Variants in KIFAP3 observed in about 807,000 individuals in gnomAD.
KIFAP3 encodes the protein kinesin-associated protein 3.
Under a neutral mutation model 106.5 loss-of-function variants are expected in KIFAP3, and 68 were observed. That is an observed-to-expected ratio of 0.64 (90% CI 0.53 to 0.78). The LOEUF is 0.78. Ranked by LOEUF, KIFAP3 falls within the 30% of genes least tolerant of loss-of-function variation. The pLI, the probability that KIFAP3 is intolerant of heterozygous loss-of-function variation, is 0.00. For missense variants in KIFAP3, 780 were observed against 941.8 expected, an observed-to-expected ratio of 0.83 and a Z score of 2.25; for synonymous variants, 320 against 311.5, an observed-to-expected ratio of 1.03 and a Z score of -0.29.
At chr1:170,056,036 C>T (rs1231584080) in intron 1 of KIFAP3, among the ~76,000 whole-genome samples, 1 of 151,656 alleles carries the variant, frequency 6.6e-6, no homozygotes. Flanking sequence ...CAGGCTGAGG[C>T]GGGAGGATCA....
intron 16 of KIFAP3, among the ~76,000 whole-genome samples, chr1:169,972,868 C>T (rs1036522632): frequency 6.6e-5 from 10 of 151,360 alleles, no homozygotes; most frequent in Non-Finnish European, 1.5e-4. Context: ...TACAAGACCA[C>T]ATTTCTGAAT....
chr1:170,004,655 T>C (rs1420568013), intron 10 of KIFAP3, among the ~76,000 whole-genome samples: 2 of 152,020 alleles, frequency 1.3e-5, no homozygotes, highest in East Asian at 1.9e-4. Flanking sequence ...GTTAGCCATA[T>C]GTAGAAAGCT....
At chr1:169,978,208 TAAA>T (rs763740350) in intron 15 of KIFAP3, 25 bp from the exon 16 acceptor site, 2 of 1,406,594 alleles carry the variant, frequency 1.4e-6, no homozygotes, top group Non-Finnish European at 2.0e-6. Context: ...AAAATTCAAA[TAAA>T]GAATACTATG....
rs991817981 is a variant in KIFAP3, at chr1:170,048,577, G to C, written c.165-1711C>G. ...GGCTGAACAGAAACAGCCTCAGTCT[G>C]CAGCTCCCAGTGAGACCAACGCAAA... On this transcript the variant is annotated intron_variant, in intron 2 of 19. Transcript: ENST00000361580. Among the ~76,000 whole-genome samples, 123 of 152,024 alleles carry C rather than the reference G, an allele frequency of 8.1e-4. 1 individual carries two copies. The highest frequency in any genetic ancestry group is 2.8e-3 in the African/African-American group (117 of 41,456).
At chr1:169,926,010 T>TAA (rs1431449687) in intron 19 of KIFAP3, among the ~76,000 whole-genome samples, 5 of 152,280 alleles carry the variant, frequency 3.3e-5, no homozygotes, top group Admixed American at 6.5e-5. Context: ...GCAGGCCAAA[T>TAA]TATTTTTTCA....
chr1:169,985,449 G>A (rs1358010601), intron 11 of KIFAP3, among the ~76,000 whole-genome samples: 1 of 151,842 alleles, frequency 6.6e-6, no homozygotes, highest in Non-Finnish European at 1.5e-5. Flanking sequence ...GAGTGGAGGA[G>A]TCAAAGATGA....
chr1:169,959,104 T>C (rs560414), intron 18 of KIFAP3, among the ~76,000 whole-genome samples: 142,385 of 152,254 alleles, frequency 0.94, 66,668 homozygotes, highest in East Asian at 0.99. Flanking sequence ...CTAAAGCTGT[T>C]CTTATCAGAA....
At chr1:169,962,591 C>T (rs968280876) in intron 17 of KIFAP3, among the ~76,000 whole-genome samples, 9 of 152,014 alleles carry the variant, frequency 5.9e-5, no homozygotes, top group African/African-American at 2.2e-4. Flanking sequence ...AAGGTGATCA[C>T]AAAAACTAAG....
chr1:169,970,353 C>T (rs1239362487), intron 17 of KIFAP3, among the ~76,000 whole-genome samples: 1 of 152,082 alleles, frequency 6.6e-6, no homozygotes, highest in East Asian at 1.9e-4. Context: ...GTACTGCCAC[C>T]GCACACCTGT....
chr1:169,968,955 C>T (rs371147207), intron 17 of KIFAP3, among the ~76,000 whole-genome samples: 5 of 151,610 alleles, frequency 3.3e-5, no homozygotes, highest in Admixed American at 6.6e-5. Context: ...TTTTGGTTTA[C>T]GCAATATAAA....
At chr1:170,081,491 G>C (rs1016713020) in intron 1 of KIFAP3, among the ~76,000 whole-genome samples, 2 of 152,122 alleles carry the variant, frequency 1.3e-5, no homozygotes, top group African/African-American at 4.8e-5. Flanking sequence ...ATACCAAGAG[G>C]GCTTTACTTT....
intron 19 of KIFAP3, among the ~76,000 whole-genome samples, chr1:169,937,051 G>A (rs774690316): frequency 6.6e-6 from 1 of 150,718 alleles, no homozygotes; most frequent in Non-Finnish European, 1.5e-5. Context: ...TACTGACAAT[G>A]TAGTATTACT....
At chr1:169,982,448 T>TA (rs1183694651) in intron 14 of KIFAP3, among the ~76,000 whole-genome samples, 1 of 151,482 alleles carries the variant, frequency 6.6e-6, no homozygotes, top group Non-Finnish European at 1.5e-5. Flanking sequence ...AGAGACAGAA[T>TA]AAAAAAATAC....
chr1:170,037,000 A>G, intron 5 of KIFAP3, among the ~76,000 whole-genome samples: 1 of 152,222 alleles, frequency 6.6e-6, no homozygotes, highest in East Asian at 1.9e-4. Flanking sequence ...AATGTGCAAG[A>G]CCAGTAAAGC....
intron 19 of KIFAP3, among the ~76,000 whole-genome samples, chr1:169,926,731 T>G (rs903212236): frequency 3.9e-5 from 6 of 152,052 alleles, no homozygotes; most frequent in Non-Finnish European, 8.8e-5. Flanking sequence ...ATAACTACCA[T>G]GCTAAATTTC....
chr1:170,000,408 CCTGGAAAGTCTATATGAATACAACGTG>C (rs1229057732), intron 10 of KIFAP3, among the ~76,000 whole-genome samples: 1 of 151,980 alleles, frequency 6.6e-6, no homozygotes, highest in African/African-American at 2.4e-5. Flanking sequence ...ATATATTACC[CCTGGAAAGTCTATATGAATACAACGTG>C]CTTCAAAATT....
chr1:169,982,683 T>C lies in KIFAP3; in HGVS notation c.1672+19A>G. 1 of 1,500,032 alleles carries C rather than the reference T, an allele frequency of 6.7e-7. No individual in the cohort carries two copies. Among genetic ancestry groups the C allele is most frequent in the Non-Finnish European group, 9.0e-7 (1 of 1,107,304 alleles). The allele number at this position is 1,500,032 out of a possible 1,614,324, so 92.9% of individuals were successfully genotyped here. ...AAATAACTTAGTGATTATACAAAAG[T>C]GAAATACTTAGCACAAACCTGGTTT... On this transcript the variant is annotated intron_variant, in intron 14 of 19. Transcript: ENST00000361580.
intron 19 of KIFAP3, among the ~76,000 whole-genome samples, chr1:169,925,397 T>C (rs1663079871): frequency 6.6e-6 from 1 of 152,056 alleles, no homozygotes; most frequent in Non-Finnish European, 1.5e-5. Flanking sequence ...CAAGAACAAT[T>C]ATTTCTGGGT....
Position 169,961,523 on chromosome 1 carries a change from G to A in KIFAP3, c.1984-288C>T, listed in dbSNP as rs539196356. 1.8e-4 allele frequency among the ~76,000 whole-genome samples: 27 copies of A among 152,102 alleles called. No homozygotes were observed. The South Asian group carries it at 5.2e-3, about 29-fold the overall frequency. On this transcript the variant is annotated intron_variant, in intron 17 of 19. Transcript: ENST00000361580. ...ACATAAATATTGCCAGAATTTAAGCGAGCAGTAAGACTTCAGTTTCCAAAG... is the reference window on the plus strand; with the variant it reads ...ACATAAATATTGCCAGAATTTAAGCAAGCAGTAAGACTTCAGTTTCCAAAG...
Sources: allele counts gnomAD v4.1 joint callset (sites outside exome capture counted in the v4.1 genomes callset), GRCh38; gene constraint gnomAD v4.1.1; transcripts MANE v1.5; gene names NCBI Gene and HGNC (gene_info 2026-07-23, HGNC 2026-07-21).